TUSC3: variants seen among roughly 807,000 people sequenced by gnomAD.
The protein encoded by TUSC3 is dolichyl-diphosphooligosaccharide--protein glycosyltransferase subunit TUSC3.
Under a neutral mutation model 44.8 loss-of-function variants are expected in TUSC3, and 45 were observed. That is an observed-to-expected ratio of 1.00 (90% CI 0.79 to 1.29). TUSC3 has a LOEUF of 1.29. Ranked by LOEUF, TUSC3 falls within the 50% of genes most tolerant of loss-of-function variation. TUSC3 has a pLI of 0.00. For missense variants in TUSC3, 519 were observed against 437.9 expected, an observed-to-expected ratio of 1.19 and a Z score of -1.65; for synonymous variants, 212 against 152.9, an observed-to-expected ratio of 1.39 and a Z score of -2.85.
chr8:15,832,170 A>C, the TUSC3 span, among the ~76,000 whole-genome samples: 2 of 152,158 alleles, frequency 1.3e-5, no homozygotes, highest in Non-Finnish European at 2.9e-5. Flanking sequence ...AATTCCAACC[A>C]AGAATTCACA....
chr8:15,837,329 A>G, the TUSC3 span, among the ~76,000 whole-genome samples: 1 of 152,120 alleles, frequency 6.6e-6, no homozygotes, highest in African/African-American at 2.4e-5. Flanking sequence ...TTTATTTCTC[A>G]AGAGCTTTAT....
chr8:15,838,963 C>G, the TUSC3 span, among the ~76,000 whole-genome samples: 1 of 152,078 alleles, frequency 6.6e-6, no homozygotes, highest in African/African-American at 2.4e-5. Context: ...TGGCCATTTT[C>G]ACGATATTGA....
At chr8:15,694,013 T>A (rs1809036533) in intron 6 of TUSC3, among the ~76,000 whole-genome samples, 1 of 152,150 alleles carries the variant, frequency 6.6e-6, no homozygotes, top group Non-Finnish European at 1.5e-5. Context: ...GAAATAGCCA[T>A]TTTGTCTTTC....
At chr8:15,542,867 G>A (rs1415609263) in intron 1 of TUSC3, among the ~76,000 whole-genome samples, 1 of 152,188 alleles carries the variant, frequency 6.6e-6, no homozygotes, top group Admixed American at 6.5e-5. Flanking sequence ...AAGAAAAGAA[G>A]AGCAAAATAA....
At chr8:15,677,678 T>C (rs150334226) in intron 6 of TUSC3, among the ~76,000 whole-genome samples, 22 of 152,272 alleles carry the variant, frequency 1.4e-4, no homozygotes, top group African/African-American at 5.3e-4. Context: ...AGCAGTGCCA[T>C]AAGGCAAAGA....
chr8:15,606,744 T>C (rs140681611), intron 1 of TUSC3, among the ~76,000 whole-genome samples: 2 of 152,216 alleles, frequency 1.3e-5, no homozygotes, highest in Non-Finnish European at 2.9e-5. Context: ...GTCTGATTAT[T>C]TCTTTAGGAT....
chr8:15,715,083 C>T (rs891594770), intron 6 of TUSC3, among the ~76,000 whole-genome samples: 1 of 152,084 alleles, frequency 6.6e-6, no homozygotes, highest in African/African-American at 2.4e-5. Context: ...CTGTACACCT[C>T]AAGGTTTCTT....
intron 1 of TUSC3, among the ~76,000 whole-genome samples, chr8:15,552,324 A>C (rs1220204376): frequency 6.6e-6 from 1 of 151,758 alleles, no homozygotes; most frequent in Non-Finnish European, 1.5e-5. Context: ...ACTACATGTT[A>C]GGTAGGTACA....
the TUSC3 span, among the ~76,000 whole-genome samples, chr8:15,840,048 T>TA: frequency 6.6e-6 from 1 of 152,046 alleles, no homozygotes; most frequent in African/African-American, 2.4e-5. Flanking sequence ...TATGCAGCCA[T>TA]AAAAAATGAT....
chr8:15,745,147 C>T (rs1442831887), intron 8 of TUSC3, among the ~76,000 whole-genome samples: 1 of 151,986 alleles, frequency 6.6e-6, no homozygotes, highest in Non-Finnish European at 1.5e-5. Context: ...CATAGTATTC[C>T]ATGGTGCATA....
At chr8:15,648,890 C>T (rs1188986185) in intron 2 of TUSC3, among the ~76,000 whole-genome samples, 2 of 151,896 alleles carry the variant, frequency 1.3e-5, no homozygotes, top group Non-Finnish European at 2.9e-5. Context: ...TTTGTGTTAC[C>T]GTGTGAGACT....
the TUSC3 span, among the ~76,000 whole-genome samples, chr8:15,772,452 A>G: frequency 6.6e-6 from 1 of 152,224 alleles, no homozygotes; most frequent in East Asian, 1.9e-4. Flanking sequence ...AGAAACAACC[A>G]AACTATGAAA....
chr8:15,490,595 G>C (rs748039632), intron 2 of TUSC3, among the ~76,000 whole-genome samples: 8 of 152,176 alleles, frequency 5.3e-5, no homozygotes, highest in Admixed American at 5.2e-4. Flanking sequence ...CAGACACAAA[G>C]TGTGCAGCTG....
the TUSC3 span, among the ~76,000 whole-genome samples, chr8:15,849,482 G>A: frequency 1.3e-5 from 2 of 152,258 alleles, no homozygotes; most frequent in East Asian, 3.9e-4. Flanking sequence ...CTGGGGAAAA[G>A]TATTGTGTAA....
intron 2 of TUSC3, among the ~76,000 whole-genome samples, chr8:15,524,826 A>AT (rs34088005): frequency 0.57 from 86,952 of 152,028 alleles, 28,470 homozygotes; most frequent in Non-Finnish European, 0.71. Context: ...ATAGAAAGAG[A>AT]TCCCAGAATA....
At chr8:15,784,150 C>A in the TUSC3 span, among the ~76,000 whole-genome samples, 1 of 151,998 alleles carries the variant, frequency 6.6e-6, no homozygotes, top group Non-Finnish European at 1.5e-5. Context: ...TGAGATACGA[C>A]CTCACAACCA....
intron 1 of TUSC3, among the ~76,000 whole-genome samples, chr8:15,599,765 G>C (rs1804209211): frequency 7.1e-6 from 1 of 141,748 alleles, no homozygotes; most frequent in African/African-American, 2.6e-5. Flanking sequence ...CCTCTATTCT[G>C]TACTATTGAT....
chr8:15,704,751 A>C (rs1333855767), intron 6 of TUSC3, among the ~76,000 whole-genome samples: 1 of 152,020 alleles, frequency 6.6e-6, no homozygotes, highest in Non-Finnish European at 1.5e-5. Flanking sequence ...CTTGGGATGT[A>C]AAAAGAATGA....
chr8:15,788,636 G>A, the TUSC3 span, among the ~76,000 whole-genome samples: 314 of 151,884 alleles, frequency 2.1e-3, 1 homozygote, highest in Non-Finnish European at 3.4e-3. Context: ...TGCCTACCCC[G>A]GGGCTGATGG....
Sources: allele counts gnomAD v4.1 joint callset (sites outside exome capture counted in the v4.1 genomes callset), GRCh38; gene constraint gnomAD v4.1.1; transcripts MANE v1.5; gene names NCBI Gene and HGNC (gene_info 2026-07-23, HGNC 2026-07-21).